COA1: variants seen among roughly 807,000 people sequenced by gnomAD.
COA1 encodes the protein cytochrome c oxidase assembly factor 1 homolog.
A neutral mutation model predicts 16.0 loss-of-function variants in COA1; 13 were observed. That is an observed-to-expected ratio of 0.81 (90% CI 0.53 to 1.29). The LOEUF (loss-of-function observed/expected upper bound fraction) is 1.29, where lower values mean the gene tolerates loss of function less well. Among genes scored for constraint, COA1 ranks in the 50% most tolerant of loss-of-function variants. The pLI is 0.00. For missense variants in COA1, 179 were observed against 177.0 expected, an observed-to-expected ratio of 1.01 and a Z score of -0.06; for synonymous variants, 65 against 65.7, an observed-to-expected ratio of 0.99 and a Z score of 0.05.
rs953526157 is a variant in COA1, at chr7:43,683,380, C to T, written c.-38-34728G>A. Among the ~76,000 whole-genome samples, 10 of 152,202 alleles carry T rather than the reference C, an allele frequency of 6.6e-5. No homozygotes were observed. In the East Asian group the frequency reaches 1.5e-3, roughly 24 times the overall value. On this transcript the variant is annotated intron_variant, in intron 1 of 5. Coordinates refer to ENST00000223336, the MANE Select transcript of COA1 (RefSeq NM_018224.4). ...AGGCACAGTGGCTCACGCCTGTAAT[C>T]GCAGCACTTTGGGTGGCCGAGGCAG...
chr7:43,609,758 G>A (rs1272527658), intron 6 of COA1: 2 of 152,192 alleles, frequency 1.3e-5, no homozygotes, highest in Non-Finnish European at 2.9e-5. Flanking sequence ...GGTTAGGAAG[G>A]ATGGTAACCT....
intron 1 of COA1, among the ~76,000 whole-genome samples, chr7:43,671,742 C>T (rs1168835186): frequency 2.0e-5 from 3 of 152,102 alleles, no homozygotes; most frequent in African/African-American, 7.2e-5. Flanking sequence ...AGGGCAAGAC[C>T]AGGTGGAGGT....
intron 6 of COA1, among the ~76,000 whole-genome samples, chr7:43,617,870 A>C (rs2083488476): frequency 6.6e-6 from 1 of 152,192 alleles, no homozygotes; most frequent in Non-Finnish European, 1.5e-5. Context: ...AGGAGATGGA[A>C]GACACAGCCA....
chr7:43,673,632 C>G (rs1197201287), intron 1 of COA1, among the ~76,000 whole-genome samples: 1 of 152,166 alleles, frequency 6.6e-6, no homozygotes, highest in Non-Finnish European at 1.5e-5. Flanking sequence ...ACCCAGCAAT[C>G]TCATTATTGC....
At chr7:43,657,060 A>G (rs954489913) in intron 1 of COA1, among the ~76,000 whole-genome samples, 5 of 152,172 alleles carry the variant, frequency 3.3e-5, no homozygotes, top group African/African-American at 1.2e-4. Context: ...TAAAATAAAA[A>G]TTAAAAAAAA....
chr7:43,646,545 G>A (rs1298957254), intron 3 of COA1: 6 of 456,518 alleles, frequency 1.3e-5, no homozygotes, highest in Non-Finnish European at 2.2e-5. Flanking sequence ...CCAGGCAGTC[G>A]GCTGCAGTGC....
At chr7:43,615,406 A>G (rs900509906) in intron 6 of COA1, among the ~76,000 whole-genome samples, 2 of 152,006 alleles carry the variant, frequency 1.3e-5, no homozygotes, top group Admixed American at 1.3e-4. Flanking sequence ...CGAACTCCTA[A>G]GCTCAAACAA....
intron 6 of COA1, among the ~76,000 whole-genome samples, chr7:43,614,595 C>T (rs1394271945): frequency 6.6e-6 from 1 of 152,120 alleles, no homozygotes; most frequent in East Asian, 1.9e-4. Context: ...TTAAAAATAG[C>T]CCTGTGGTCA....
intron 1 of COA1, among the ~76,000 whole-genome samples, chr7:43,650,875 G>A (rs2090627696): frequency 6.6e-6 from 1 of 150,680 alleles, no homozygotes; most frequent in South Asian, 2.1e-4. Context: ...GAGGACTCAA[G>A]AGTGCTCAGG....
exon 7 of COA1, chr7:43,608,674 T>C (rs1327633042): frequency 1.2e-5 from 3 of 254,536 alleles, no homozygotes; most frequent in Non-Finnish European, 2.2e-5. Flanking sequence ...TTTGAAAAGT[T>C]AGGATTTAGA....
At chr7:43,675,162 C>T (rs1020188417) in intron 1 of COA1, among the ~76,000 whole-genome samples, 1 of 152,158 alleles carries the variant, frequency 6.6e-6, no homozygotes, top group African/African-American at 2.4e-5. Context: ...CAAGCAATAG[C>T]AAAGACTTGG....
intron 1 of COA1, chr7:43,656,238 G>A (rs903995282): frequency 1.3e-5 from 2 of 152,286 alleles, no homozygotes; most frequent in Middle Eastern, 3.4e-3. Context: ...CATTGAAAAT[G>A]GAAATACCTT....
chr7:43,661,628 C>T (rs1247484703), intron 1 of COA1, among the ~76,000 whole-genome samples: 1 of 122,630 alleles, frequency 8.2e-6, no homozygotes, highest in African/African-American at 3.5e-5. Context: ...TAGAGCGAGA[C>T]TCCATCTCAA....
At chr7:43,679,303 A>C (rs1171876805) in intron 1 of COA1, among the ~76,000 whole-genome samples, 1 of 151,252 alleles carries the variant, frequency 6.6e-6, no homozygotes, top group African/African-American at 2.4e-5. Flanking sequence ...ATTTTATGTT[A>C]TATTTTACCA....
At chr7:43,669,956 C>T (rs960804540) in intron 1 of COA1, among the ~76,000 whole-genome samples, 2 of 151,946 alleles carry the variant, frequency 1.3e-5, no homozygotes, top group African/African-American at 4.8e-5. Context: ...GAAAGGAAAG[C>T]GGGGCCCTGG....
chr7:43,715,840 C>T (rs534562845), intron 1 of COA1, among the ~76,000 whole-genome samples: 6 of 152,268 alleles, frequency 3.9e-5, no homozygotes, highest in East Asian at 1.9e-4. Flanking sequence ...ATAATTCCCA[C>T]GTGTTGTGGG....
Position 43,623,308 on chromosome 7 carries a change from G to A in COA1, c.*134-13813C>T, listed in dbSNP as rs28560173. ...AATAACACAGAGATTGTCAGTTTAT[G>A]TTTGGTGTTTTTAAAATATTTAAAT... is the stretch of plus-strand genomic sequence containing the variant. On this transcript the variant is annotated intron_variant and NMD_transcript_variant, in intron 6 of 6. Coordinates refer to the COA1 transcript ENST00000415076. 8.5e-3 allele frequency: 3,253 copies of A among 381,366 alleles called. 106 individuals are homozygous for A. Among genetic ancestry groups the A allele is most frequent in the African/African-American group, 0.064 (2,996 of 46,762 alleles). The allele number at this position is 381,366 out of a possible 1,614,324, so 23.6% of individuals were successfully genotyped here. A position where few individuals can be genotyped will look rare whatever the true frequency, so the allele number is the denominator to read the frequency against.
At chr7:43,627,254 G>C (rs115172462) in intron 6 of COA1, among the ~76,000 whole-genome samples, 2,108 of 152,254 alleles carry the variant, frequency 0.014, 38 homozygotes, top group African/African-American at 0.048. Context: ...TGAAAACTAG[G>C]AGGTAATTAA....
chr7:43,632,235 C>T (rs969069695), intron 6 of COA1: 18 of 165,322 alleles, frequency 1.1e-4, no homozygotes, highest in Non-Finnish European at 1.9e-4. Context: ...CTTCTTTGCT[C>T]GTCCATGAGA....
Sources: gnomAD v4.1 joint callset for allele counts (sites outside exome capture counted in the v4.1 genomes callset) on GRCh38, gnomAD v4.1.1 for gene constraint, MANE v1.5 for transcripts, NCBI Gene and HGNC (gene_info 2026-07-23, HGNC 2026-07-21) for gene names.